Variants in PPP2R5E observed in about 807,000 individuals in gnomAD.
PPP2R5E encodes the protein protein phosphatase 2 regulatory subunit B'epsilon, also known as serine/threonine-protein phosphatase 2A 56 kDa regulatory subunit epsilon isoform.
In PPP2R5E, 4 loss-of-function variants were observed where a neutral mutation model predicts 65.3. That is an observed-to-expected ratio of 0.06 (90% CI 0.03 to 0.14). PPP2R5E has a LOEUF of 0.14. Among genes scored for constraint, PPP2R5E ranks in the 10% least tolerant of loss-of-function variants. The pLI is 1.00. For synonymous variants in PPP2R5E, 183 were observed against 187.4 expected, an observed-to-expected ratio of 0.98 and a Z score of 0.19; for missense variants, 274 against 556.1, an observed-to-expected ratio of 0.49 and a Z score of 5.10.
intron 1 of PPP2R5E, among the ~76,000 whole-genome samples, chr14:63,542,564 G>T (rs191478332): frequency 2.0e-5 from 3 of 152,296 alleles, no homozygotes; most frequent in East Asian, 3.9e-4. Context: ...GGAGAAAAAG[G>T]GGGGAGGGGG....
At chr14:63,430,273 G>C (rs2139917256) in intron 3 of PPP2R5E, among the ~76,000 whole-genome samples, 1 of 152,134 alleles carries the variant, frequency 6.6e-6, no homozygotes, top group South Asian at 2.1e-4. Context: ...CAGCACTTTG[G>C]GAGGCCGAGG....
At chr14:63,483,300 T>C (rs75801862) in intron 2 of PPP2R5E, among the ~76,000 whole-genome samples, 4,649 of 152,148 alleles carry the variant, frequency 0.031, 231 homozygotes, top group African/African-American at 0.1. Context: ...AGATAGATAT[T>C]TGCCTAATTA....
chr14:63,446,600 C>T (rs1350256862), intron 3 of PPP2R5E, among the ~76,000 whole-genome samples: 2 of 152,034 alleles, frequency 1.3e-5, no homozygotes, highest in East Asian at 3.9e-4. Context: ...GAGGCCGAGG[C>T]GGGTGGACCA....
intron 13 of PPP2R5E, among the ~76,000 whole-genome samples, chr14:63,378,026 C>G (rs1430958890): frequency 6.6e-6 from 1 of 152,200 alleles, no homozygotes; most frequent in Non-Finnish European, 1.5e-5. Flanking sequence ...ACCACCACTC[C>G]TGGTGCATTC....
intron 5 of PPP2R5E, among the ~76,000 whole-genome samples, chr14:63,398,578 T>G (rs1885545207): frequency 6.6e-6 from 1 of 151,876 alleles, no homozygotes; most frequent in Admixed American, 6.6e-5. Flanking sequence ...GATCACGAGG[T>G]CAGGGGTTTG....
intron 2 of PPP2R5E, among the ~76,000 whole-genome samples, chr14:63,468,385 C>G (rs897829534): frequency 7.2e-5 from 11 of 152,182 alleles, no homozygotes; most frequent in African/African-American, 2.7e-4. Flanking sequence ...AATATAATAC[C>G]CAGTGAAATA....
chr14:63,410,066 C>T (rs760486150), intron 5 of PPP2R5E, among the ~76,000 whole-genome samples: 9 of 152,292 alleles, frequency 5.9e-5, no homozygotes, highest in Admixed American at 3.9e-4. Context: ...TTTGTATTCA[C>T]TGACAGAGGA....
intron 13 of PPP2R5E, among the ~76,000 whole-genome samples, chr14:63,379,927 C>T (rs914436571): frequency 1.3e-5 from 2 of 150,006 alleles, no homozygotes; most frequent in Non-Finnish European, 3.0e-5. Flanking sequence ...CTCCACCTCC[C>T]GGGTTCAACT....
chr14:63,406,021 A>T (rs1886060545), intron 5 of PPP2R5E, among the ~76,000 whole-genome samples: 1 of 152,238 alleles, frequency 6.6e-6, no homozygotes, highest in Non-Finnish European at 1.5e-5. Context: ...ATTTAATAAA[A>T]ATCACACTGA....
chr14:63,526,258 CAA>C (rs1276416841), intron 2 of PPP2R5E, among the ~76,000 whole-genome samples: 1 of 152,128 alleles, frequency 6.6e-6, no homozygotes, highest in African/African-American at 2.4e-5. Flanking sequence ...AATATCAAAA[CAA>C]AGCTGTGTTC....
chr14:63,419,093 C>T (rs974073045), intron 4 of PPP2R5E, among the ~76,000 whole-genome samples: 2 of 152,126 alleles, frequency 1.3e-5, no homozygotes, highest in Non-Finnish European at 2.9e-5. Flanking sequence ...GTGATCCACC[C>T]GCCTTGGCCT....
intron 2 of PPP2R5E, among the ~76,000 whole-genome samples, chr14:63,499,975 T>C (rs996855047): frequency 2.0e-5 from 3 of 152,202 alleles, no homozygotes; most frequent in African/African-American, 7.2e-5. Flanking sequence ...TAATCTGGAT[T>C]TGACTCATTA....
chr14:63,408,696 G>A (rs1233251295), intron 5 of PPP2R5E, among the ~76,000 whole-genome samples: 1 of 152,136 alleles, frequency 6.6e-6, no homozygotes, highest in Non-Finnish European at 1.5e-5. Context: ...CTTTCTGATG[G>A]TGAGTCTTTC....
At chr14:63,437,137 G>A (rs1047855230) in intron 3 of PPP2R5E, among the ~76,000 whole-genome samples, 1 of 152,170 alleles carries the variant, frequency 6.6e-6, no homozygotes, top group Non-Finnish European at 1.5e-5. Context: ...CGCCATGGCA[G>A]TTTACAAATG....
rs536227831 is a variant in PPP2R5E at position 63,471,728 on chromosome 14, C to G, written c.158-17843G>C. 7.9e-5 allele frequency among the ~76,000 whole-genome samples: 12 copies of G among 152,298 alleles called. No individual in the cohort carries two copies. The South Asian group carries it at 2.5e-3, about 32-fold the overall frequency. On this transcript the variant is annotated intron_variant, in intron 2 of 13. Coordinates refer to ENST00000337537, the MANE Select transcript of PPP2R5E (RefSeq NM_006246.5). ...AAGGGGGCCCTGCTGAGCTTCAGAC[C>G]TCCACAATCTGGCACCTGTACACTA...
At chr14:63,405,024 G>A (rs1208329443) in intron 5 of PPP2R5E, among the ~76,000 whole-genome samples, 1 of 152,130 alleles carries the variant, frequency 6.6e-6, no homozygotes, top group Non-Finnish European at 1.5e-5. Flanking sequence ...ACCAAGCACA[G>A]GGCCCTTCTA....
intron 2 of PPP2R5E, among the ~76,000 whole-genome samples, chr14:63,470,246 A>G (rs1204607894): frequency 1.3e-5 from 2 of 152,008 alleles, no homozygotes; most frequent in African/African-American, 2.4e-5. Flanking sequence ...TAATTTTTGT[A>G]GTTTTTGTAA....
intron 2 of PPP2R5E, among the ~76,000 whole-genome samples, chr14:63,477,196 T>TA (rs1890453968): frequency 1.3e-5 from 2 of 152,112 alleles, no homozygotes; most frequent in Non-Finnish European, 2.9e-5. Context: ...ATAATACTAC[T>TA]ACTACACCTA....
intron 2 of PPP2R5E, among the ~76,000 whole-genome samples, chr14:63,522,214 G>A (rs1327988225): frequency 2.6e-5 from 4 of 152,266 alleles, no homozygotes; most frequent in East Asian, 1.9e-4. Context: ...CCGAGGTGCC[G>A]GGATTGCAGA....
Sources: gnomAD v4.1 joint callset for allele counts (sites outside exome capture counted in the v4.1 genomes callset) on GRCh38, gnomAD v4.1.1 for gene constraint, MANE v1.5 for transcripts, NCBI Gene and HGNC (gene_info 2026-07-23, HGNC 2026-07-21) for gene names.